CARD14: variants seen among roughly 807,000 people sequenced by gnomAD.
The protein encoded by CARD14 is caspase recruitment domain-containing protein 14.
In CARD14, 107 loss-of-function variants were observed where a neutral mutation model predicts 111.5. The observed-to-expected ratio is 0.96, with a 90% CI of 0.82 to 1.13. CARD14 has a LOEUF of 1.13. Among genes scored for constraint, CARD14 ranks in the 50% most tolerant of loss-of-function variants. The pLI, the probability that CARD14 is intolerant of heterozygous loss-of-function variation, is 0.00. For missense variants in CARD14, 1,322 were observed against 1,362.3 expected (o/e 0.97, Z 0.47); for synonymous variants, 617 against 579.6 (o/e 1.06, Z -0.93).
At chr17:80,200,311 A>G (rs964850496) in intron 16 of CARD14, among the ~76,000 whole-genome samples, 1 of 121,912 alleles carries the variant, frequency 8.2e-6, no homozygotes, top group Non-Finnish European at 1.6e-5. Flanking sequence ...ATCTTGGCCC[A>G]CTGCAACCTC....
In CARD14 at chr17:80,192,361, A is replaced by C. The variant is rs983658921; in HGVS notation, c.1240-142A>C. 6 of 649,102 alleles carry C rather than the reference A, an allele frequency of 9.2e-6. No homozygotes were observed. In the African/African-American group the frequency reaches 1.1e-4, roughly 12 times the overall value. 40.2% of individuals were successfully genotyped at this position (649,102 alleles called of 1,614,324 possible). Reference sequence around the variant, plus strand: ...CCTGTGATGGGCTCGGAGGACAGGGACACAATTGTTTTCCCTGGAAGCTGA... The same window carrying C: ...CCTGTGATGGGCTCGGAGGACAGGGCCACAATTGTTTTCCCTGGAAGCTGA... On this transcript the variant is annotated intron_variant, in intron 11 of 23. Coordinates refer to ENST00000648509, the MANE Select transcript of CARD14 (RefSeq NM_001366385.1).
At position 80,195,049 on chromosome 17, in the gene CARD14, C is replaced by A. The variant is rs1016798780; in HGVS notation, c.1357-142C>A. The stretch of plus-strand genomic sequence containing the variant: ...TACAGCAGGTGCTCAGCGCATGTGA[C>A]CCCATGTGTGTCCTTCTTTCCCCTC... On this transcript the variant is annotated intron_variant, in intron 12 of 23. Coordinates refer to ENST00000648509, the MANE Select transcript of CARD14 (RefSeq NM_001366385.1). The surrounding 1 kb of genome is among the most constrained non-coding windows in gnomAD (Gnocchi z 4.7). 3.8e-6 allele frequency: 4 copies of A among 1,050,220 alleles called. No homozygotes were observed. The highest frequency in any genetic ancestry group is 4.1e-6 in the Non-Finnish European group (3 of 738,232). The allele number at this position is 1,050,220 out of a possible 1,614,324, so 65.1% of individuals were successfully genotyped here.
At chr17:80,179,976 A>G (rs751861671) in intron 4 of CARD14, among the ~76,000 whole-genome samples, 15 of 152,214 alleles carry the variant, frequency 9.9e-5, no homozygotes, top group Admixed American at 2.6e-4. Flanking sequence ...TTGAATCCGC[A>G]TGGTAGATAT....
rs1438893874 is a variant in CARD14 at position 80,195,325 on chromosome 17, G to T, written c.1491G>T (p.Trp497Cys). The change falls in exon 13 of 24, where the codon TGG becomes TGT. Residue 497 changes from tryptophan to cysteine, a missense_variant. Physicochemically the swap from Trp to Cys is radical, Grantham distance 215. Coordinates refer to ENST00000648509, the MANE Select transcript of CARD14 (RefSeq NM_001366385.1). This position sits in a 1 kb window ranked among gnomAD's most constrained non-coding sequence, Gnocchi z 4.7. The part of the protein sequence containing the change: ...RVAEDFGEEP[W>C]SFSSCLEIPE... Reference sequence around the variant, plus strand: ...CCGAGGACTTCGGGGAAGAACCCTGGTCTTTCAGGTAGAGCACTGGGGTCC... The same window carrying T: ...CCGAGGACTTCGGGGAAGAACCCTGTTCTTTCAGGTAGAGCACTGGGGTCC... 6.2e-7 allele frequency: 1 copy of T among 1,611,288 alleles called. No individual in the cohort carries two copies. The highest frequency in any genetic ancestry group is 1.1e-5 in the South Asian group (1 of 90,900).
At chr17:80,200,229 A>ATTTTTTTTTT (rs373332962) in intron 16 of CARD14, among the ~76,000 whole-genome samples, 1 of 74,412 alleles carries the variant, frequency 1.3e-5, no homozygotes, top group Non-Finnish European at 2.4e-5. Flanking sequence ...TTTACATGTC[A>ATTTTTTTTTT]TTTTTTTTTT....
Position 80,188,153 on chromosome 17 carries a change from C to A in CARD14, c.676-224C>A. ...CCCTGGATGGAGTTCAACCGCGGTGCCTCATCTATAAGACAGAGCTGAAAG... is the reference window on the plus strand; with the variant it reads ...CCCTGGATGGAGTTCAACCGCGGTGACTCATCTATAAGACAGAGCTGAAAG... On this transcript the variant is annotated intron_variant, in intron 7 of 23. Coordinates refer to ENST00000648509, the MANE Select transcript of CARD14 (RefSeq NM_001366385.1). The surrounding 1 kb of genome is among the most constrained non-coding windows in gnomAD (Gnocchi z 4.5). The A allele has an allele frequency of 2.1e-6, 1 of 484,294 alleles. No individual in the cohort carries two copies. The highest frequency in any genetic ancestry group is 3.2e-6 in the Non-Finnish European group (1 of 314,838). 30.0% of individuals were successfully genotyped at this position (484,294 alleles called of 1,614,324 possible).
intron 7 of CARD14, 68 bp downstream of exon 7, chr17:80,184,306 G>T: frequency 7.7e-7 from 1 of 1,305,664 alleles, no homozygotes; most frequent in Non-Finnish European, 1.0e-6. Context: ...GTACTAGCTG[G>T]TCCATCTCCC....
At position 80,195,743 on chromosome 17, in the gene CARD14, G is replaced by C; in HGVS notation, c.1594+91G>C. 2.8e-6 allele frequency: 3 copies of C among 1,068,398 alleles called. 1 individual carries two copies. The South Asian group carries it at 4.4e-5, about 16-fold the overall frequency. The allele number at this position is 1,068,398 out of a possible 1,614,324, so 66.2% of individuals were successfully genotyped here. Reference sequence around the variant, plus strand: ...GAGAAAGCCGGGGCCTCTCTCCAGGGAAAGGGCAGATAGAAGCAGAGCTCA... The same window carrying C: ...GAGAAAGCCGGGGCCTCTCTCCAGGCAAAGGGCAGATAGAAGCAGAGCTCA... On this transcript the variant is annotated intron_variant, in intron 14 of 23. Transcript: ENST00000648509. The surrounding 1 kb of genome is among the most constrained non-coding windows in gnomAD (Gnocchi z 4.7).
At chr17:80,171,795 T>G (rs904968384) in intron 1 of CARD14, among the ~76,000 whole-genome samples, 2 of 152,214 alleles carry the variant, frequency 1.3e-5, no homozygotes, top group Non-Finnish European at 2.9e-5. Flanking sequence ...TGAGCTGCCC[T>G]GGCTTTCTGA....
At position 80,195,985 on chromosome 17, in the gene CARD14, C is replaced by T. The variant is rs1205765783; in HGVS notation, c.1594+333C>T. 8.2e-6 allele frequency: 2 copies of T among 245,082 alleles called. No homozygotes were observed. The highest frequency in any genetic ancestry group is 1.6e-5 in the Non-Finnish European group (2 of 126,810). The allele number at this position is 245,082 out of a possible 1,614,324, so 15.2% of individuals were successfully genotyped here. ...TGGGCTTCCCAGTGGTTTCAGAAGG[C>T]AGCAGGCAGGGTGGCTTAGTGGTGC... On this transcript the variant is annotated intron_variant, in intron 14 of 23. Transcript: ENST00000648509. This position sits in a 1 kb window ranked among gnomAD's most constrained non-coding sequence, Gnocchi z 4.7.
intron 7 of CARD14, chr17:80,187,857 CT>C (rs925523238): frequency 3.0e-6 from 3 of 985,412 alleles, no homozygotes; most frequent in African/African-American, 1.7e-5. Flanking sequence ...GGCCAGGGCC[CT>C]GCACACAGAC....
chr17:80,191,297 C>T, intron 10 of CARD14, 26 bp from the exon 11 acceptor site: 4 of 1,597,600 alleles, frequency 2.5e-6, no homozygotes, highest in African/African-American at 2.7e-5. Context: ...ATGGCGCGGC[C>T]TCCTTACTCC....
At position 80,195,633 on chromosome 17, in the gene CARD14, T is replaced by C. The variant is rs369503344; in HGVS notation, c.1575T>C (p.Tyr525=). 3 of 1,613,458 alleles carry C rather than the reference T, an allele frequency of 1.9e-6. No individual in the cohort carries two copies. The highest frequency in any genetic ancestry group is 2.5e-6 in the Non-Finnish European group (3 of 1,179,838). ...AGGCAGGCGACCCACACCTGGATTA[T>C]GAGCTCCTAGACACGGCAGGTGAGC... ...GAKAGDPHLD[Y]ELLDTADLPQ... Residue 525 remains tyrosine (Y), a synonymous_variant, in exon 14 of 24, where the codon TAT becomes TAC. Coordinates refer to ENST00000648509, the MANE Select transcript of CARD14 (RefSeq NM_001366385.1). The surrounding 1 kb of genome is among the most constrained non-coding windows in gnomAD (Gnocchi z 4.7).
chr17:80,195,757 A>G lies in CARD14; in HGVS notation c.1594+105A>G. Reference sequence around the variant, plus strand: ...CTCTCTCCAGGGAAAGGGCAGATAGAAGCAGAGCTCAACTTCTGCCCTGGG... The same window carrying G: ...CTCTCTCCAGGGAAAGGGCAGATAGGAGCAGAGCTCAACTTCTGCCCTGGG... On this transcript the variant is annotated intron_variant, in intron 14 of 23. Coordinates refer to ENST00000648509, the MANE Select transcript of CARD14 (RefSeq NM_001366385.1). The surrounding 1 kb of genome is among the most constrained non-coding windows in gnomAD (Gnocchi z 4.7). The G allele has an allele frequency of 2.1e-6, 2 of 943,052 alleles. No individual in the cohort carries two copies. The highest frequency in any genetic ancestry group is 3.2e-6 in the Non-Finnish European group (2 of 626,380). The allele number at this position is 943,052 out of a possible 1,614,324, so 58.4% of individuals were successfully genotyped here. A position where few individuals can be genotyped will look rare whatever the true frequency, so the allele number is the denominator to read the frequency against.
In CARD14 at chr17:80,202,270, G is replaced by C. The variant is rs1229043148; in HGVS notation, c.2069G>C (p.Arg690Thr). Residue 690 changes from arginine to threonine, a missense_variant, in exon 18 of 24, where the codon AGG (arginine) becomes ACG (threonine). Arg to Thr is a moderately conservative substitution (Grantham distance 71). Coordinates refer to ENST00000648509, the MANE Select transcript of CARD14 (RefSeq NM_001366385.1). ...YIRVNLAMEG[R>T]AKGELQVHCN... ...CGGGTCAACCTGGCCATGGAGGGCA[G>C]GGCCAAAGGGGAGCTGCAGGTGCAT... 6 of 1,613,860 alleles carry C rather than the reference G, an allele frequency of 3.7e-6. No individual in the cohort carries two copies. The highest frequency in any genetic ancestry group is 1.3e-5 in the African/African-American group (1 of 74,914).
intron 2 of CARD14, among the ~76,000 whole-genome samples, chr17:80,174,393 A>G (rs902968784): frequency 7.2e-5 from 11 of 152,194 alleles, no homozygotes; most frequent in African/African-American, 2.7e-4. Flanking sequence ...TTGTATTTTT[A>G]GTAGAGACAG....
intron 10 of CARD14, 96 bp downstream of exon 10, chr17:80,190,995 G>A (rs1363744850): frequency 3.3e-6 from 5 of 1,499,266 alleles, no homozygotes; most frequent in Non-Finnish European, 4.5e-6. Context: ...TGCCCTTGAT[G>A]GCAGCTGGTC....
intron 23 of CARD14, 31 bp from the exon 24 acceptor site, chr17:80,208,107 A>T: frequency 3.2e-5 from 45 of 1,398,532 alleles, no homozygotes; most frequent in Non-Finnish European, 4.1e-5. Flanking sequence ...CTCTCCCCTG[A>T]GCCCGCCCCC....
Position 80,195,361 on chromosome 17 carries a change from T to C in CARD14, c.1499+28T>C, listed in dbSNP as rs896282788. On this transcript the variant is annotated intron_variant, in intron 13 of 23. Coordinates refer to ENST00000648509, the MANE Select transcript of CARD14 (RefSeq NM_001366385.1). This position sits in a 1 kb window ranked among gnomAD's most constrained non-coding sequence, Gnocchi z 4.7. ...AGAGCACTGGGGTCCTTCCTGGCAC[T>C]GGGGTGGCACTGGGGTCCTTCCTGG... 3 of 1,593,448 alleles carry C rather than the reference T, an allele frequency of 1.9e-6. No individual in the cohort carries two copies. The African/African-American group carries it at 4.0e-5, about 21-fold the overall frequency.
Sources: allele counts gnomAD v4.1 joint callset (sites outside exome capture counted in the v4.1 genomes callset), GRCh38; gene constraint gnomAD v4.1.1; non-coding constraint Gnocchi (gnomAD v3.1); transcripts MANE v1.5; gene names NCBI Gene and HGNC (gene_info 2026-07-23, HGNC 2026-07-21).